The following SORCS3 variants were observed in gnomAD, a reference collection of about 807,000 sequenced individuals.
SORCS3 encodes the protein VPS10 domain-containing receptor SorCS3.
SORCS3 carries 57 observed loss-of-function variants against 146.3 expected under a neutral mutation model. The observed-to-expected ratio is 0.39, with a 90% CI of 0.31 to 0.49. The LOEUF (loss-of-function observed/expected upper bound fraction) is 0.49, where lower values mean the gene tolerates loss of function less well. Among genes scored for constraint, SORCS3 ranks in the 20% least tolerant of loss-of-function variants. The pLI is 0.92. For synonymous variants in SORCS3, 653 were observed against 618.5 expected, an observed-to-expected ratio of 1.06 and a Z score of -0.83; for missense variants, 1,341 against 1,575.5, an observed-to-expected ratio of 0.85 and a Z score of 2.52.
intron 5 of SORCS3, among the ~76,000 whole-genome samples, chr10:105,081,273 T>A (rs571343704): frequency 6.6e-6 from 1 of 152,146 alleles, no homozygotes; most frequent in Admixed American, 6.5e-5. Context: ...GTTTTTGCCC[T>A]GGAAATAATA....
rs576826828 is a variant in SORCS3, at chr10:105,037,601, C to A, written c.955-5454C>A. Among the ~76,000 whole-genome samples, 5 of 152,220 alleles carry A rather than the reference C, an allele frequency of 3.3e-5. No individual in the cohort carries two copies. The South Asian group carries it at 1.0e-3, about 32-fold the overall frequency. ...ATGGAGTTCTCCTTATGTGTCTTTA[C>A]GTAGGATTCCCTGTCTGCCTGTCTG... is the stretch of plus-strand genomic sequence containing the variant. On this transcript the variant is annotated intron_variant, in intron 4 of 26. Transcript: ENST00000369701.
At chr10:104,883,757 C>A (rs147937772) in intron 2 of SORCS3, among the ~76,000 whole-genome samples, 3 of 152,216 alleles carry the variant, frequency 2.0e-5, no homozygotes, top group East Asian at 3.9e-4. Context: ...TATTAGGAAG[C>A]CAGGCTGGGC....
At chr10:105,159,019 C>G in intron 11 of SORCS3, 25 bp downstream of exon 11, 1 of 1,516,462 alleles carries the variant, frequency 6.6e-7, no homozygotes, top group Non-Finnish European at 9.1e-7. Context: ...CCCTGTGCTT[C>G]TTCCTTACTG....
intron 1 of SORCS3, among the ~76,000 whole-genome samples, chr10:104,657,151 G>A (rs2015641947): frequency 6.6e-6 from 1 of 152,054 alleles, no homozygotes; most frequent in Non-Finnish European, 1.5e-5. Flanking sequence ...GAAAAACATA[G>A]CCTATTGGTC....
chr10:104,794,622 G>GGAGGGAGAGAGAGAGAGAGAGAGAGAGA (rs1481811209), intron 1 of SORCS3, among the ~76,000 whole-genome samples: 95 of 41,366 alleles, frequency 2.3e-3, no homozygotes, highest in Admixed American at 7.6e-3. Flanking sequence ...AGAGAGGGAG[G>GGAGGGAGAGAGAGAGAGAGAGAGAGAGA]GAGAGAGAGA....
intron 1 of SORCS3, among the ~76,000 whole-genome samples, chr10:104,795,185 C>T (rs1432815739): frequency 1.3e-5 from 2 of 152,104 alleles, no homozygotes; most frequent in African/African-American, 4.8e-5. Context: ...TCAATAAATA[C>T]TCGGGTATGG....
intron 1 of SORCS3, among the ~76,000 whole-genome samples, chr10:104,770,819 A>G (rs12266857): frequency 0.082 from 12,476 of 152,124 alleles, 693 homozygotes; most frequent in African/African-American, 0.16. Context: ...GGTGACAGGA[A>G]GAAGCCCCAT....
At chr10:104,760,652 T>A (rs955321585) in intron 1 of SORCS3, among the ~76,000 whole-genome samples, 8 of 152,142 alleles carry the variant, frequency 5.3e-5, no homozygotes, top group Admixed American at 3.9e-4. Context: ...CAAGAAGTTA[T>A]CATTGGGAAG....
At chr10:104,731,749 A>G (rs1253428194) in intron 1 of SORCS3, among the ~76,000 whole-genome samples, 6 of 152,232 alleles carry the variant, frequency 3.9e-5, no homozygotes, top group Non-Finnish European at 7.3e-5. Flanking sequence ...AAGGACAGGA[A>G]CACTCATCCC....
At chr10:104,898,104 G>A (rs898972034) in intron 2 of SORCS3, among the ~76,000 whole-genome samples, 1 of 152,148 alleles carries the variant, frequency 6.6e-6, no homozygotes, top group Non-Finnish European at 1.5e-5. Flanking sequence ...TCTGAAGAAC[G>A]TGAGTTCTAA....
chr10:105,129,163 A>G (rs1035689327), intron 7 of SORCS3, among the ~76,000 whole-genome samples: 1 of 152,088 alleles, frequency 6.6e-6, no homozygotes, highest in Non-Finnish European at 1.5e-5. Context: ...CATTTAAATA[A>G]TTGACCTCAT....
At chr10:105,028,648 A>AT (rs1280278792) in intron 4 of SORCS3, among the ~76,000 whole-genome samples, 1 of 152,142 alleles carries the variant, frequency 6.6e-6, no homozygotes, top group East Asian at 1.9e-4. Flanking sequence ...CCAAAACTTT[A>AT]TTTTTTTGTA....
At chr10:105,144,840 G>T (rs958807943) in intron 8 of SORCS3, among the ~76,000 whole-genome samples, 1 of 152,054 alleles carries the variant, frequency 6.6e-6, no homozygotes, top group Non-Finnish European at 1.5e-5. Context: ...GGTCTCTATT[G>T]GACCAATTTT....
chr10:105,217,565 A>G (rs1162797210), intron 19 of SORCS3, among the ~76,000 whole-genome samples: 1 of 152,242 alleles, frequency 6.6e-6, no homozygotes, highest in Non-Finnish European at 1.5e-5. Flanking sequence ...GATTAAAGAA[A>G]CATGTTTAGA....
At chr10:104,723,403 G>A (rs1009266750) in intron 1 of SORCS3, among the ~76,000 whole-genome samples, 2 of 152,214 alleles carry the variant, frequency 1.3e-5, no homozygotes, top group African/African-American at 4.8e-5. Flanking sequence ...TTCCCACTAT[G>A]TGGTCAATTT....
intron 5 of SORCS3, among the ~76,000 whole-genome samples, chr10:105,086,302 A>G (rs1045279188): frequency 1.3e-5 from 2 of 152,220 alleles, no homozygotes; most frequent in Admixed American, 6.5e-5. Flanking sequence ...AGGAAAGGGT[A>G]CTGAGCAGAC....
At chr10:104,662,605 G>A (rs1008233600) in intron 1 of SORCS3, among the ~76,000 whole-genome samples, 7 of 152,200 alleles carry the variant, frequency 4.6e-5, no homozygotes, top group African/African-American at 1.7e-4. Flanking sequence ...TTGAACTGCT[G>A]ACCCCATGAG....
intron 1 of SORCS3, among the ~76,000 whole-genome samples, chr10:104,827,346 C>T (rs575855550): frequency 1.3e-5 from 2 of 152,194 alleles, no homozygotes; most frequent in East Asian, 1.9e-4. Context: ...CCTTGACTCA[C>T]GGGTACATGA....
chr10:104,892,391 T>A (rs2018757593), intron 2 of SORCS3, among the ~76,000 whole-genome samples: 2 of 152,202 alleles, frequency 1.3e-5, no homozygotes, highest in Non-Finnish European at 2.9e-5. Flanking sequence ...ATGTTACTTG[T>A]CTGTAAGCTT....
Sources: allele counts gnomAD v4.1 joint callset (sites outside exome capture counted in the v4.1 genomes callset), GRCh38; gene constraint gnomAD v4.1.1; transcripts MANE v1.5; gene names NCBI Gene and HGNC (gene_info 2026-07-23, HGNC 2026-07-21).